PARP6: variants seen among roughly 807,000 people sequenced by gnomAD.
PARP6 encodes protein mono-ADP-ribosyltransferase PARP6.
In PARP6, 27 loss-of-function variants were observed where a neutral mutation model predicts 92.0. The ratio of observed to expected loss-of-function variants is 0.29; its 90% CI spans 0.22 to 0.40. The LOEUF is 0.40. PARP6 is among the 10% of genes least tolerant of loss of function. PARP6 has a pLI of 1.00. For synonymous variants in PARP6, 272 were observed against 281.2 expected (o/e 0.97, Z 0.33); for missense variants, 501 against 784.5 (o/e 0.64, Z 4.32).
chr15:72,247,888 T>C (rs2083823831), intron 20 of PARP6, among the ~76,000 whole-genome samples: 2 of 152,116 alleles, frequency 1.3e-5, no homozygotes, highest in South Asian at 4.1e-4. Flanking sequence ...GTTCAAGCGA[T>C]TCTCCTGCCT....
intron 1 of PARP6, 167 bp downstream of exon 1, chr15:72,272,226 G>A (rs2087553245): frequency 6.6e-6 from 1 of 152,310 alleles, no homozygotes; most frequent in African/African-American, 2.4e-5. Context: ...CGGGGAAGCA[G>A]TTACACCTGT....
Position 72,242,141 on chromosome 15 carries a change from TG to T in PARP6, c.1705+15del, listed in dbSNP as rs763645997. On this transcript the variant is annotated intron_variant, in intron 22 of 23. Coordinates refer to ENST00000569795, the MANE Select transcript of PARP6 (RefSeq NM_001323532.2). The surrounding 1 kb of genome is among the most constrained non-coding windows in gnomAD (Gnocchi z 4.3). Reference sequence around the variant, plus strand: ...GTTAGAGACCCAGAAAAACAGGACATGGGCAAGCTACCTACCTTCACAAAGT... The same window carrying T: ...GTTAGAGACCCAGAAAAACAGGACATGGCAAGCTACCTACCTTCACAAAGT... 8 of 1,610,546 alleles carry T rather than the reference TG, an allele frequency of 5.0e-6. No homozygotes were observed. The highest frequency in any genetic ancestry group is 6.8e-6 in the Non-Finnish European group (8 of 1,176,870).
At chr15:72,244,324 T>C (rs1008183797) in intron 20 of PARP6, 4 of 152,224 alleles carry the variant, frequency 2.6e-5, no homozygotes, top group Non-Finnish European at 4.4e-5. Flanking sequence ...AATCCTGTTG[T>C]ACACTATCCT....
intron 20 of PARP6, chr15:72,243,411 CAA>C: frequency 6.6e-6 from 1 of 152,282 alleles, no homozygotes; most frequent in East Asian, 1.9e-4. Context: ...ACCAGTCATT[CAA>C]GAGAAAAGCA....
intron 11 of PARP6, among the ~76,000 whole-genome samples, 196 bp downstream of exon 11, chr15:72,259,412 T>C (rs1405837930): frequency 6.6e-6 from 1 of 152,238 alleles, no homozygotes; most frequent in East Asian, 1.9e-4. Flanking sequence ...CACTTGATCA[T>C]AAGTGGTAAG....
Position 72,260,639 on chromosome 15 carries a change from C to T in PARP6, c.595G>A (p.Gly199Ser), listed in dbSNP as rs779948341. Residue 199 changes from glycine (G) to serine (S), a missense_variant, in exon 10 of 24, where the codon GGT becomes AGT. Physicochemically the swap from Gly to Ser is moderately conservative, Grantham distance 56. Coordinates refer to ENST00000569795, the MANE Select transcript of PARP6 (RefSeq NM_001323532.2). The part of the protein sequence containing the change: ...IQDSMLKGKL[G>S]VPELRVGRLM... ...CGCCCAACCCGAAGCTCTGGTACACCTAGTTTGCCTTTCAGCATGGAGTCC... is the reference window on the plus strand; with the variant it reads ...CGCCCAACCCGAAGCTCTGGTACACTTAGTTTGCCTTTCAGCATGGAGTCC... 1 of 1,614,158 alleles carries T rather than the reference C, an allele frequency of 6.2e-7. No homozygotes were observed. Among genetic ancestry groups the T allele is most frequent in the Non-Finnish European group, 8.5e-7 (1 of 1,180,008 alleles).
chr15:72,241,251 G>A lies in PARP6; in HGVS notation c.*204C>T, dbSNP rs1387916617. The A allele has an allele frequency of 2.9e-6, 2 of 682,336 alleles. No homozygotes were observed. Among genetic ancestry groups the A allele is most frequent in the Non-Finnish European group, 5.4e-6 (2 of 371,644 alleles). The allele number at this position is 682,336 out of a possible 1,614,324, so 42.3% of individuals were successfully genotyped here. ...GGTGAAGTCAAAGGGAAAGTCAGGG[G>A]ATGGAGTCAGTCTGGGCCATCCGAA... On this transcript the variant is annotated 3_prime_UTR_variant, in exon 24 of 24. Coordinates refer to ENST00000569795, the MANE Select transcript of PARP6 (RefSeq NM_001323532.2). This position sits in a 1 kb window ranked among gnomAD's most constrained non-coding sequence, Gnocchi z 4.1.
At chr15:72,267,443 A>C in intron 3 of PARP6, 32 bp downstream of exon 3, 1 of 1,612,058 alleles carries the variant, frequency 6.2e-7, no homozygotes. Flanking sequence ...CCTTTGAACA[A>C]TCAGTTGGAG....
chr15:72,250,082 T>C lies in PARP6; in HGVS notation c.1429A>G (p.Ile477Val), dbSNP rs967898354. 1.2e-6 allele frequency: 2 copies of C among 1,608,544 alleles called. No individual in the cohort carries two copies. The highest frequency in any genetic ancestry group is 1.7e-4 in the Middle Eastern group (1 of 6,052). Residue 477 changes from isoleucine to valine, a missense_variant, in exon 19 of 24, where the codon ATT becomes GTT. Transcript: ENST00000569795. ...CGCAGGATCGAATGCCAGTTCTCAATGTGGGACCCACTGTAAGGCAGGGTA... is the reference window on the plus strand; with the variant it reads ...CGCAGGATCGAATGCCAGTTCTCAACGTGGGACCCACTGTAAGGCAGGGTA... ...GSTFAFHGSH[I>V]ENWHSILRNG...
At chr15:72,261,500 G>T in intron 9 of PARP6, 58 bp downstream of exon 9, 1 of 1,444,584 alleles carries the variant, frequency 6.9e-7, no homozygotes, top group Non-Finnish European at 9.7e-7. Context: ...AATCAAGAAG[G>T]TGGGGGTGGG....
intron 10 of PARP6, 106 bp downstream of exon 10, chr15:72,260,372 T>C: frequency 1.1e-6 from 1 of 871,384 alleles, no homozygotes; most frequent in South Asian, 1.6e-5. Flanking sequence ...GTTTGATTTA[T>C]GATGCCTAGA....
At chr15:72,260,756 G>A in intron 9 of PARP6, 68 bp from the exon 10 acceptor site, 1 of 1,243,936 alleles carries the variant, frequency 8.0e-7, no homozygotes, top group Non-Finnish European at 1.2e-6. Flanking sequence ...GGGGACTGGA[G>A]ATAAGTGAGC....
rs770182686 is a variant in PARP6 at position 72,257,343 on chromosome 15, C to T, written c.999+5G>A. 2 of 1,607,556 alleles carry T rather than the reference C, an allele frequency of 1.2e-6. No homozygotes were observed. Among genetic ancestry groups the T allele is most frequent in the East Asian group, 2.2e-5 (1 of 44,848 alleles). On this transcript the variant is annotated splice_donor_5th_base_variant and intron_variant, in intron 13 of 23. Coordinates refer to ENST00000569795, the MANE Select transcript of PARP6 (RefSeq NM_001323532.2). The stretch of plus-strand genomic sequence containing the variant: ...ATTCCCCAGCCACGTTTCCCTCCCC[C>T]ATACCTCTGCTCCAGTGGCCACCTC...
At chr15:72,258,412 C>T (rs775152448) in intron 11 of PARP6, among the ~76,000 whole-genome samples, 9 of 152,178 alleles carry the variant, frequency 5.9e-5, no homozygotes, top group Non-Finnish European at 1.2e-4. Flanking sequence ...GTCAGTTAAC[C>T]TGAGCCTTGG....
chr15:72,265,797 T>C, intron 5 of PARP6, 100 bp downstream of exon 5: 1 of 810,688 alleles, frequency 1.2e-6, no homozygotes, highest in South Asian at 1.5e-5. Flanking sequence ...AAGTTCATAA[T>C]TTATCCCACT....
At position 72,261,796 on chromosome 15, in the gene PARP6, C is replaced by T. The variant is rs139383178; in HGVS notation, c.396-89G>A. 345 of 1,274,654 alleles carry T rather than the reference C, an allele frequency of 2.7e-4. 1 individual carries two copies. In the African/African-American group the frequency reaches 4.4e-3, roughly 16 times the overall value. 79.0% of individuals were successfully genotyped at this position (1,274,654 alleles called of 1,614,324 possible). On this transcript the variant is annotated intron_variant, in intron 8 of 23. Coordinates refer to ENST00000569795, the MANE Select transcript of PARP6 (RefSeq NM_001323532.2). ...AGAGACAAATAATCTAAAATTCAGA[C>T]CCAAGGACTGCAAAGCTAGTTGTGG...
At chr15:72,249,949 G>A in intron 19 of PARP6, 71 bp downstream of exon 19, 1 of 998,518 alleles carries the variant, frequency 1.0e-6, no homozygotes, top group African/African-American at 1.6e-5. Flanking sequence ...GCTTACTCTA[G>A]AGCAGCCTTC....
chr15:72,250,172 T>A, intron 18 of PARP6, 80 bp from the exon 19 acceptor site: 1 of 857,150 alleles, frequency 1.2e-6, no homozygotes, highest in South Asian at 1.3e-5. Flanking sequence ...TTCCCACCCA[T>A]TCTCACCCAC....
Position 72,260,526 on chromosome 15 carries a change from C to A in PARP6, c.708G>T (p.Leu236=), listed in dbSNP as rs370518711. ...GAGGGAGGCCCACGTGCTGAGGGCA[C>A]AGGAGACCTGCCTGGGGGCTGGGAG... is the stretch of plus-strand genomic sequence containing the variant. ...GYPPSPQAGL[L]CPQHVGLPPP... is the part of the protein sequence containing the mutation. Residue 236 remains leucine (L), a synonymous_variant, in exon 10 of 24, where the codon CTG becomes CTT. Coordinates refer to ENST00000569795, the MANE Select transcript of PARP6 (RefSeq NM_001323532.2). 31 of 1,614,104 alleles carry A rather than the reference C, an allele frequency of 1.9e-5. No homozygotes were observed. The highest frequency in any genetic ancestry group is 2.5e-5 in the Non-Finnish European group (29 of 1,180,036).
Sources: allele counts gnomAD v4.1 joint callset (sites outside exome capture counted in the v4.1 genomes callset), GRCh38; gene constraint gnomAD v4.1.1; non-coding constraint Gnocchi (gnomAD v3.1); transcripts MANE v1.5; gene names NCBI Gene and HGNC (gene_info 2026-07-23, HGNC 2026-07-21).